Variants in MESP2 observed in about 807,000 individuals in gnomAD.
MESP2 encodes the protein mesoderm posterior bHLH transcription factor 2, also known as mesoderm posterior protein 2.
A neutral mutation model predicts 37.8 loss-of-function variants in MESP2; 34 were observed. That is an observed-to-expected ratio of 0.90 (90% CI 0.68 to 1.20). MESP2 has a LOEUF of 1.20. Among genes scored for constraint, MESP2 ranks in the 50% most tolerant of loss-of-function variants. MESP2 has a pLI of 0.00. For missense variants in MESP2, 646 were observed against 545.3 expected, an observed-to-expected ratio of 1.18 and a Z score of -1.84; for synonymous variants, 303 against 251.6, an observed-to-expected ratio of 1.20 and a Z score of -1.93.
chr15:89,777,245 G>A lies in MESP2; in HGVS notation c.888G>A (p.Ala296=), dbSNP rs374172103. 25 of 1,611,292 alleles carry A rather than the reference G, an allele frequency of 1.6e-5. No homozygotes were observed. Among genetic ancestry groups the A allele is most frequent in the Non-Finnish European group, 2.0e-5 (23 of 1,179,146 alleles). ...GGAACCCACCAGTGCCCTGGACGGC[G>A]GCCCCAGCAACTTTGGAGCTGGCCG... ...EPRNPPVPWT[A]APATLELAAV... Residue 296 remains alanine, a synonymous_variant, in exon 1 of 2, where the codon GCG becomes GCA. Transcript: ENST00000341735.
Position 89,777,066 on chromosome 15 carries a change from G to T in MESP2, c.709G>T (p.Gly237Trp), listed in dbSNP as rs1464670553. 1.9e-6 allele frequency: 3 copies of T among 1,610,624 alleles called. No homozygotes were observed. Among genetic ancestry groups the T allele is most frequent in the African/African-American group, 1.3e-5 (1 of 74,902 alleles). ...PGAQAAPERL[G>W]RGVHDTDPWA... ...AGCCCAAGCCGCACCCGAGCGCCTG[G>T]GGAGGGGGGTCCACGACACGGATCC... Residue 237 changes from glycine (G) to tryptophan (W), a missense_variant, in exon 1 of 2, where the codon GGG (glycine) becomes TGG (tryptophan). Gly to Trp is a radical substitution (Grantham distance 184, BLOSUM62 -2). Coordinates refer to ENST00000341735, the MANE Select transcript of MESP2 (RefSeq NM_001039958.2).
At chr15:89,777,335 C>T (rs1968385897) in intron 1 of MESP2, 54 bp downstream of exon 1, 14 of 1,531,440 alleles carry the variant, frequency 9.1e-6, no homozygotes, top group South Asian at 2.4e-5. Flanking sequence ...CAGAGAATCT[C>T]GTACTTTTTC....
chr15:89,776,553 G>A lies in MESP2; in HGVS notation c.196G>A (p.Ala66Thr), dbSNP rs1319032121. The part of the protein sequence containing the change: ...PPSCSSRAAE[A>T]AATTPRRART... Reference sequence around the variant, plus strand: ...GAGCTGCAGCTCCCGAGCCGCAGAGGCAGCCGCGACGACGCCCAGACGAGC... The same window carrying A: ...GAGCTGCAGCTCCCGAGCCGCAGAGACAGCCGCGACGACGCCCAGACGAGC... Residue 66 changes from alanine (A) to threonine (T), a missense_variant, in exon 1 of 2, where the codon GCA becomes ACA. Ala to Thr is a moderately conservative substitution (Grantham distance 58). Transcript: ENST00000341735. 2.6e-6 allele frequency: 4 copies of A among 1,532,106 alleles called. No homozygotes were observed. The East Asian group carries it at 7.4e-5, about 28-fold the overall frequency. 94.9% of individuals were successfully genotyped at this position (1,532,106 alleles called of 1,614,324 possible). A position where few individuals can be genotyped will look rare whatever the true frequency, so the allele number is the denominator to read the frequency against.
rs397507446 is a variant in MESP2 at position 89,776,891 on chromosome 15, GGGGCAGGGGCAA to G, written c.546_557del (p.Gln202_Gly205del). On this transcript the variant is annotated inframe_deletion, in exon 1 of 2. Transcript: ENST00000341735. ...CCGCAGAGGCGCAGACGCAGGCGGA[GGGGCAGGGGCAA>G]GGGCAGGGGCAGGGGCAGGGGCAAG... The G allele has an allele frequency of 4.3e-5, 21 of 491,006 alleles. No individual in the cohort carries two copies. The Admixed American group carries it at 6.7e-4, about 16-fold the overall frequency. 30.4% of individuals were successfully genotyped at this position (491,006 alleles called of 1,614,324 possible).
Position 89,778,655 on chromosome 15 carries a change from G to A in MESP2, c.*321G>A. On this transcript the variant is annotated 3_prime_UTR_variant, in exon 2 of 2. Coordinates refer to ENST00000341735, the MANE Select transcript of MESP2 (RefSeq NM_001039958.2). ...ACAGGTGGGAGAATGGGTGTAGGAG[G>A]CAGGCCCCAGGCTCTGCTTCTTGGT... The A allele has an allele frequency of 2.6e-6, 1 of 385,994 alleles. No individual in the cohort carries two copies. Among genetic ancestry groups the A allele is most frequent in the Non-Finnish European group, 4.8e-6 (1 of 207,364 alleles). The allele number at this position is 385,994 out of a possible 1,614,324, so 23.9% of individuals were successfully genotyped here. A position where few individuals can be genotyped will look rare whatever the true frequency, so the allele number is the denominator to read the frequency against.
chr15:89,778,212 C>T lies in MESP2; in HGVS notation c.1072C>T (p.Pro358Ser), dbSNP rs546107097. ...EVVPNSEDQG[P>S]GAAFQLSEAS... ...GGTGCCCAACTCAGAGGACCAGGGA[C>T]CGGGCGCCGCCTTCCAGCTCAGTGA... The change falls in exon 2 of 2, where the codon CCG becomes TCG. Residue 358 changes from proline to serine, a missense_variant. Physicochemically the swap from Pro to Ser is moderately conservative, Grantham distance 74. Coordinates refer to ENST00000341735, the MANE Select transcript of MESP2 (RefSeq NM_001039958.2). 6.2e-6 allele frequency: 10 copies of T among 1,613,522 alleles called. No homozygotes were observed. In the African/African-American group the frequency reaches 1.3e-4, roughly 22 times the overall value.
In MESP2 at chr15:89,778,330, A is replaced by T; in HGVS notation, c.1190A>T (p.Tyr397Phe). 1.2e-6 allele frequency: 2 copies of T among 1,613,134 alleles called. No individual in the cohort carries two copies. The highest frequency in any genetic ancestry group is 1.7e-6 in the Non-Finnish European group (2 of 1,180,030). ...DLEGARLGIF[Y>F] The stretch of plus-strand genomic sequence containing the variant: ...GAGGGGGCCCGCCTGGGCATCTTCT[A>T]CTAAATGGCCTCGGCTTCCCTCTTT... Residue 397 changes from tyrosine to phenylalanine, a missense_variant, in exon 2 of 2, where the codon TAC becomes TTC. Physicochemically the swap from Tyr to Phe is conservative, Grantham distance 22. Coordinates refer to ENST00000341735, the MANE Select transcript of MESP2 (RefSeq NM_001039958.2).
Position 89,778,267 on chromosome 15 carries a change from G to C in MESP2, c.1127G>C (p.Arg376Pro). 2 of 1,613,234 alleles carry C rather than the reference G, an allele frequency of 1.2e-6. No homozygotes were observed. Among genetic ancestry groups the C allele is most frequent in the Non-Finnish European group, 1.7e-6 (2 of 1,179,994 alleles). Residue 376 changes from arginine to proline, a missense_variant, in exon 2 of 2, where the codon CGG (arginine) becomes CCG (proline). By Grantham distance (103) the Arg-to-Pro change is moderately radical. Coordinates refer to ENST00000341735, the MANE Select transcript of MESP2 (RefSeq NM_001039958.2). ...AGCCCTCCCCAGAGCTCAGGCCTGC[G>C]GTTCAGTGGCTGCCCTGAACTTTGG... Reference protein sequence around the residue: ...EASPPQSSGLRFSGCPELWQE... With the variant: ...EASPPQSSGLPFSGCPELWQE...
In MESP2 at chr15:89,776,594, G is replaced by A; in HGVS notation, c.237G>A (p.Ala79=). The A allele has an allele frequency of 1.3e-6, 2 of 1,526,250 alleles. No homozygotes were observed. The highest frequency in any genetic ancestry group is 1.7e-6 in the Non-Finnish European group (2 of 1,143,298). The allele number at this position is 1,526,250 out of a possible 1,614,324, so 94.5% of individuals were successfully genotyped here. ...CCAGACGAGCGCGCACCGGACCAGCGGGCGGACAGCGGCAGAGCGCCAGCG... is the reference window on the plus strand; with the variant it reads ...CCAGACGAGCGCGCACCGGACCAGCAGGCGGACAGCGGCAGAGCGCCAGCG... ...TTPRRARTGP[A]GGQRQSASER... is the part of the protein sequence containing the mutation. The change falls in exon 1 of 2, where the codon GCG becomes GCA. Residue 79 remains alanine (A), a synonymous_variant. Coordinates refer to ENST00000341735, the MANE Select transcript of MESP2 (RefSeq NM_001039958.2).
rs760835012 is a variant in MESP2 at position 89,776,687 on chromosome 15, C to T, written c.330C>T (p.Pro110=). 7.1e-6 allele frequency: 11 copies of T among 1,554,630 alleles called. No homozygotes were observed. Among genetic ancestry groups the T allele is most frequent in the Non-Finnish European group, 9.5e-6 (11 of 1,157,102 alleles). The change falls in exon 1 of 2, where the codon CCC becomes CCT. Residue 110 remains proline (P), a synonymous_variant. Transcript: ENST00000341735. The stretch of plus-strand genomic sequence containing the variant: ...ACGAGTTGCGCCGCTTTCTGCCTCC[C>T]TCCTTGGCGCCGGCCGGCCAGAGCC... ...ALHELRRFLP[P]SLAPAGQSLT...
chr15:89,776,613 G>A lies in MESP2; in HGVS notation c.256G>A (p.Ala86Thr), dbSNP rs965708294. 1.3e-6 allele frequency: 2 copies of A among 1,520,370 alleles called. No homozygotes were observed. The highest frequency in any genetic ancestry group is 8.8e-7 in the Non-Finnish European group (1 of 1,141,132). The allele number at this position is 1,520,370 out of a possible 1,614,324, so 94.2% of individuals were successfully genotyped here. ...ACCAGCGGGCGGACAGCGGCAGAGC[G>A]CCAGCGAGCGGGAGAAACTGCGCAT... ...TGPAGGQRQS[A>T]SEREKLRMRT... Residue 86 changes from alanine (A) to threonine (T), a missense_variant, in exon 1 of 2, where the codon GCC becomes ACC. Coordinates refer to ENST00000341735, the MANE Select transcript of MESP2 (RefSeq NM_001039958.2).
In MESP2 at chr15:89,777,054, C is replaced by T. The variant is rs1968380195; in HGVS notation, c.697C>T (p.Pro233Ser). 2 of 1,607,902 alleles carry T rather than the reference C, an allele frequency of 1.2e-6. No individual in the cohort carries two copies. The highest frequency in any genetic ancestry group is 1.7e-5 in the Admixed American group (1 of 59,572). Reference sequence around the variant, plus strand: ...CGCCTGCCCCGGAGCCCAAGCCGCACCCGAGCGCCTGGGGAGGGGGGTCCA... The same window carrying T: ...CGCCTGCCCCGGAGCCCAAGCCGCATCCGAGCGCCTGGGGAGGGGGGTCCA... ...PSACPGAQAA[P>S]ERLGRGVHDT... The change falls in exon 1 of 2, where the codon CCC (proline) becomes TCC (serine). Residue 233 changes from proline to serine, a missense_variant. Physicochemically the swap from Pro to Ser is moderately conservative, Grantham distance 74. Coordinates refer to ENST00000341735, the MANE Select transcript of MESP2 (RefSeq NM_001039958.2).
Position 89,776,636 on chromosome 15 carries a change from C to A in MESP2, c.279C>A (p.Arg93=), listed in dbSNP as rs1228764650. The A allele has an allele frequency of 6.6e-7, 1 of 1,524,916 alleles. No homozygotes were observed. The highest frequency in any genetic ancestry group is 8.7e-7 in the Non-Finnish European group (1 of 1,143,168). 94.5% of individuals were successfully genotyped at this position (1,524,916 alleles called of 1,614,324 possible). A position where few individuals can be genotyped will look rare whatever the true frequency, so the allele number is the denominator to read the frequency against. ...GCGCCAGCGAGCGGGAGAAACTGCG[C>A]ATGCGCACGCTGGCCCGCGCCCTGC... ...RQSASEREKL[R]MRTLARALHE... Residue 93 remains arginine (R), a synonymous_variant, in exon 1 of 2, where the codon CGC becomes CGA. Transcript: ENST00000341735.
Position 89,777,129 on chromosome 15 carries a change from C to G in MESP2, c.772C>G (p.Pro258Ala). The change falls in exon 1 of 2, where the codon CCC (proline) becomes GCC (alanine). Residue 258 changes from proline (P) to alanine (A), a missense_variant. Coordinates refer to ENST00000341735, the MANE Select transcript of MESP2 (RefSeq NM_001039958.2). Reference protein sequence around the residue: ...TPPYCPKIQSPPYSSQGTTSD... With the variant: ...TPPYCPKIQSAPYSSQGTTSD... Reference sequence around the variant, plus strand: ...CCCTTACTGCCCCAAGATACAGTCGCCCCCGTATTCGTCCCAAGGGACAAC... The same window carrying G: ...CCCTTACTGCCCCAAGATACAGTCGGCCCCGTATTCGTCCCAAGGGACAAC... 1 of 1,612,990 alleles carries G rather than the reference C, an allele frequency of 6.2e-7. No individual in the cohort carries two copies. The highest frequency in any genetic ancestry group is 8.5e-7 in the Non-Finnish European group (1 of 1,179,992).
At chr15:89,777,582 T>C (rs1410044200) in intron 1 of MESP2, among the ~76,000 whole-genome samples, 1 of 151,976 alleles carries the variant, frequency 6.6e-6, no homozygotes, top group African/African-American at 2.4e-5. Flanking sequence ...GGGAAGGAAG[T>C]CCCAGGGTAA....
In MESP2 at chr15:89,778,501, TGGATG is replaced by T; in HGVS notation, c.*169_*173del. ...TGAAATAGATAGCGGGTACCTTCCC[TGGATG>T]GAGTCAGGGCGGGGGCACTGTCCTC... On this transcript the variant is annotated 3_prime_UTR_variant, in exon 2 of 2. Transcript: ENST00000341735. 1 of 899,440 alleles carries T rather than the reference TGGATG, an allele frequency of 1.1e-6. No homozygotes were observed. Among genetic ancestry groups the T allele is most frequent in the Non-Finnish European group, 1.7e-6 (1 of 575,808 alleles). The allele number at this position is 899,440 out of a possible 1,614,324, so 55.7% of individuals were successfully genotyped here.
Position 89,778,662 on chromosome 15 carries a change from C to CTTG in MESP2, c.*328_*329insTTG. On this transcript the variant is annotated 3_prime_UTR_variant, in exon 2 of 2. Transcript: ENST00000341735. ...GGAGAATGGGTGTAGGAGGCAGGCCCCAGGCTCTGCTTCTTGGTGACAGTT... is the reference window on the plus strand; with the variant it reads ...GGAGAATGGGTGTAGGAGGCAGGCCCTTGCAGGCTCTGCTTCTTGGTGACAGTT... 2.8e-6 allele frequency: 1 copy of CTTG among 355,606 alleles called. No individual in the cohort carries two copies. 22.0% of individuals were successfully genotyped at this position (355,606 alleles called of 1,614,324 possible).
rs1458091310 is a variant in MESP2, at chr15:89,776,616, A to T, written c.259A>T (p.Ser87Cys). ...AGCGGGCGGACAGCGGCAGAGCGCC[A>T]GCGAGCGGGAGAAACTGCGCATGCG... ...GPAGGQRQSA[S>C]EREKLRMRTL... is the part of the protein sequence containing the mutation. The change falls in exon 1 of 2, where the codon AGC becomes TGC. Residue 87 changes from serine (S) to cysteine (C), a missense_variant. Ser to Cys is a moderately radical substitution (Grantham distance 112). Transcript: ENST00000341735. The T allele has an allele frequency of 2.0e-6, 3 of 1,520,648 alleles. No individual in the cohort carries two copies. The highest frequency in any genetic ancestry group is 2.6e-6 in the Non-Finnish European group (3 of 1,141,346). The allele number at this position is 1,520,648 out of a possible 1,614,324, so 94.2% of individuals were successfully genotyped here. A position where few individuals can be genotyped will look rare whatever the true frequency, so the allele number is the denominator to read the frequency against.
In MESP2 at chr15:89,777,069, A is replaced by AG; in HGVS notation, c.718dup (p.Val240GlyfsTer127). 4 of 1,610,850 alleles carry AG rather than the reference A, an allele frequency of 2.5e-6. No individual in the cohort carries two copies. The highest frequency in any genetic ancestry group is 1.1e-5 in the South Asian group (1 of 90,788). Reference sequence around the variant, plus strand: ...CCAAGCCGCACCCGAGCGCCTGGGGAGGGGGGTCCACGACACGGATCCCTG... The same window carrying AG: ...CCAAGCCGCACCCGAGCGCCTGGGGAGGGGGGGTCCACGACACGGATCCCTG... On this transcript the variant is annotated frameshift_variant, in exon 1 of 2. Transcript: ENST00000341735. LOFTEE classifies it high-confidence loss of function.
Sources: gnomAD v4.1 joint callset for allele counts (sites outside exome capture counted in the v4.1 genomes callset) on GRCh38, gnomAD v4.1.1 for gene constraint, MANE v1.5 for transcripts, NCBI Gene and HGNC (gene_info 2026-07-23, HGNC 2026-07-21) for gene names.